The following PTPN23 variants were observed in gnomAD, a reference collection of about 807,000 sequenced individuals.
The protein encoded by PTPN23 is protein tyrosine phosphatase non-receptor type 23, also known as tyrosine-protein phosphatase non-receptor type 23.
Under a neutral mutation model 156.3 loss-of-function variants are expected in PTPN23, and 72 were observed. The ratio of observed to expected loss-of-function variants is 0.46; its 90% CI spans 0.38 to 0.56. The LOEUF (loss-of-function observed/expected upper bound fraction) is 0.56, where lower values mean the gene tolerates loss of function less well. Ranked by LOEUF, PTPN23 falls within the 20% of genes least tolerant of loss-of-function variation. The pLI, the probability that PTPN23 is intolerant of heterozygous loss-of-function variation, is 0.00. For missense variants in PTPN23, 1,974 were observed against 2,171.5 expected (o/e 0.91, Z 1.81); for synonymous variants, 957 against 899.6 (o/e 1.06, Z -1.14).
At position 47,413,082 on chromosome 3, in the gene PTPN23, A is replaced by G; in HGVS notation, c.4808A>G (p.His1603Arg). ...SLRGKQRMSK[H>R]NFLQAHNGQG... is the part of the protein sequence containing the mutation. The stretch of plus-strand genomic sequence containing the variant: ...CGGGGCAAACAGCGGATGAGCAAGC[A>G]TAACTTTCTGCAGGCCCATAACGGG... Residue 1603 changes from histidine (H) to arginine (R), a missense_variant, in exon 25 of 25, where the codon CAT becomes CGT. Physicochemically the swap from His to Arg is conservative, Grantham distance 29 (BLOSUM62 0). Coordinates refer to ENST00000265562, the MANE Select transcript of PTPN23 (RefSeq NM_015466.4). 1 of 1,612,928 alleles carries G rather than the reference A, an allele frequency of 6.2e-7. No individual in the cohort carries two copies. Among genetic ancestry groups the G allele is most frequent in the South Asian group, 1.1e-5 (1 of 91,092 alleles).
chr3:47,393,669 A>G (rs770161557), intron 1 of PTPN23, among the ~76,000 whole-genome samples: 2 of 152,126 alleles, frequency 1.3e-5, no homozygotes, highest in African/African-American at 2.4e-5. Context: ...CCTATCTTTT[A>G]TGACTTTTCC....
At position 47,408,456 on chromosome 3, in the gene PTPN23, C is replaced by G; in HGVS notation, c.1296C>G (p.Pro432=). The part of the protein sequence containing the change: ...MEKCAALSVR[P]DTVRNLVQSM... ...AGTGCGCGGCTCTCAGCGTCCGGCC[C>G]GACACTGTCAGGAACCTTGTACAGT... The change falls in exon 15 of 25, where the codon CCC becomes CCG. Residue 432 remains proline (P), a synonymous_variant. Coordinates refer to ENST00000265562, the MANE Select transcript of PTPN23 (RefSeq NM_015466.4). 6.2e-7 allele frequency: 1 copy of G among 1,614,036 alleles called. No homozygotes were observed.
Position 47,407,156 on chromosome 3 carries a change from C to A in PTPN23, c.834C>A (p.Asp278Glu). Residue 278 changes from aspartate (D) to glutamate (E), a missense_variant, in exon 10 of 25, where the codon GAC becomes GAA. By Grantham distance (45) the Asp-to-Glu change is conservative. Coordinates refer to ENST00000265562, the MANE Select transcript of PTPN23 (RefSeq NM_015466.4). This position sits in a 1 kb window ranked among gnomAD's most constrained non-coding sequence, Gnocchi z 4.0. ...ERVAYFQSAL[D>E]KLNEAIKLAK... ...TTGCATACTTCCAGAGCGCCCTGGA[C>A]AAGCTCAATGAAGCCATCAAGTTGG... 1 of 1,614,066 alleles carries A rather than the reference C, an allele frequency of 6.2e-7. No individual in the cohort carries two copies. The highest frequency in any genetic ancestry group is 8.5e-7 in the Non-Finnish European group (1 of 1,179,976).
chr3:47,407,841 G>C lies in PTPN23; in HGVS notation c.1118+30G>C, dbSNP rs373763701. 1.2e-6 allele frequency: 2 copies of C among 1,613,940 alleles called. No individual in the cohort carries two copies. The highest frequency in any genetic ancestry group is 2.7e-5 in the African/African-American group (2 of 74,914). ...GTGGAGGGTGGCACAGAGGGAGGTG[G>C]GGTGTCTTGAGATGTGGGTCTTCAG... On this transcript the variant is annotated intron_variant, in intron 13 of 24. Transcript: ENST00000265562. This position sits in a 1 kb window ranked among gnomAD's most constrained non-coding sequence, Gnocchi z 4.0.
At chr3:47,382,012 C>G (rs149399526) in intron 1 of PTPN23, among the ~76,000 whole-genome samples, 67 of 152,106 alleles carry the variant, frequency 4.4e-4, no homozygotes, top group African/African-American at 1.5e-3. Flanking sequence ...ACCAGGAGGC[C>G]GTCGCAGGTG....
At chr3:47,386,455 C>T (rs896769296) in intron 1 of PTPN23, among the ~76,000 whole-genome samples, 12 of 152,248 alleles carry the variant, frequency 7.9e-5, no homozygotes, top group East Asian at 1.9e-4. Flanking sequence ...CATGAGCTAC[C>T]GTGCCCAGCC....
rs776828461 is a variant in PTPN23, at chr3:47,409,865, T to A, written c.2129+31T>A. 11 of 1,600,298 alleles carry A rather than the reference T, an allele frequency of 6.9e-6. 1 individual carries two copies. The South Asian group carries it at 1.1e-4, about 16-fold the overall frequency. On this transcript the variant is annotated intron_variant, in intron 19 of 24. Coordinates refer to ENST00000265562, the MANE Select transcript of PTPN23 (RefSeq NM_015466.4). Reference sequence around the variant, plus strand: ...TGTGGCCCTGGGGCTGTGGTGCGGCTCGGGTCCAGACAGGCTGGGGTGATG... The same window carrying A: ...TGTGGCCCTGGGGCTGTGGTGCGGCACGGGTCCAGACAGGCTGGGGTGATG...
At chr3:47,402,983 G>A (rs1335638298) in intron 2 of PTPN23, among the ~76,000 whole-genome samples, 1 of 152,078 alleles carries the variant, frequency 6.6e-6, no homozygotes, top group Non-Finnish European at 1.5e-5. Flanking sequence ...TAGGATTATG[G>A]GCGTGAGCCA....
chr3:47,391,554 A>T (rs964799202), intron 1 of PTPN23, among the ~76,000 whole-genome samples: 1 of 152,172 alleles, frequency 6.6e-6, no homozygotes, highest in African/African-American at 2.4e-5. Context: ...TGCTGATCTT[A>T]TAGGAGGACG....
chr3:47,407,578 G>A lies in PTPN23; in HGVS notation c.997G>A (p.Val333Ile), dbSNP rs754304220. The change falls in exon 12 of 25, where the codon GTA becomes ATA. Residue 333 changes from valine (V) to isoleucine (I), a missense_variant. Coordinates refer to ENST00000265562, the MANE Select transcript of PTPN23 (RefSeq NM_015466.4). This position sits in a 1 kb window ranked among gnomAD's most constrained non-coding sequence, Gnocchi z 4.0. Reference sequence around the variant, plus strand: ...CCCAGCATTGGACACTCTTCAGCCTGTAAAAGGTCGGGGAGCTGAGAGGTG... The same window carrying A: ...CCCAGCATTGGACACTCTTCAGCCTATAAAAGGTCGGGGAGCTGAGAGGTG... ...AVPALDTLQPVKGAPLVKPLP... is the reference protein window; with the variant it reads ...AVPALDTLQPIKGAPLVKPLP... 5.0e-6 allele frequency: 8 copies of A among 1,613,472 alleles called. No individual in the cohort carries two copies. In the Admixed American group the frequency reaches 5.0e-5, roughly 10 times the overall value.
At position 47,405,362 on chromosome 3, in the gene PTPN23, C is replaced by T; in HGVS notation, c.364+281C>T. 1 of 544,404 alleles carries T rather than the reference C, an allele frequency of 1.8e-6. No individual in the cohort carries two copies. The highest frequency in any genetic ancestry group is 3.3e-6 in the Non-Finnish European group (1 of 302,502). The allele number at this position is 544,404 out of a possible 1,614,324, so 33.7% of individuals were successfully genotyped here. ...AGAGGGCCTTTCTTCTTTGACTGGA[C>T]AGCCCCTCCCCACTGTGGTTTTGGG... On this transcript the variant is annotated intron_variant, in intron 4 of 24. Transcript: ENST00000265562. This position sits in a 1 kb window ranked among gnomAD's most constrained non-coding sequence, Gnocchi z 4.7.
rs1161594981 is a variant in PTPN23, at chr3:47,405,809, G to T, written c.414+11G>T. ...CGGGTGTCTGAGGAGGTGAGGAGAG[G>T]GGCAGTAGTGGAACATGTGGACATA... On this transcript the variant is annotated intron_variant, in intron 5 of 24. Transcript: ENST00000265562. The surrounding 1 kb of genome is among the most constrained non-coding windows in gnomAD (Gnocchi z 4.7). The T allele has an allele frequency of 1.3e-6, 2 of 1,589,370 alleles. No homozygotes were observed. The highest frequency in any genetic ancestry group is 3.5e-5 in the Admixed American group (2 of 57,394).
chr3:47,392,580 A>G (rs1291416065), intron 1 of PTPN23, among the ~76,000 whole-genome samples: 1 of 152,170 alleles, frequency 6.6e-6, no homozygotes, highest in Non-Finnish European at 1.5e-5. Context: ...TGGATAGATC[A>G]GAGTGAAGAT....
rs751924921 is a variant in PTPN23, at chr3:47,410,590, C to T, written c.2792C>T (p.Pro931Leu). Residue 931 changes from proline (P) to leucine (L), a missense_variant, in exon 20 of 25, where the codon CCC becomes CTC. Pro to Leu is a moderately conservative substitution (Grantham distance 98). This residue lies in a region of PTPN23 where 731 missense variants were observed against 669.1 expected (regional missense o/e 1.09). Transcript: ENST00000265562. ...ACCTACCCTGCAGGGGCTAAGCAAC[C>T]CATCCCGGCACAGCACCACTTCTCT... ...PYTYPAGAKQ[P>L]IPAQHHFSSG... is the part of the protein sequence containing the mutation. 6.2e-7 allele frequency: 1 copy of T among 1,612,324 alleles called. No individual in the cohort carries two copies. Among genetic ancestry groups the T allele is most frequent in the South Asian group, 1.1e-5 (1 of 90,996 alleles).
chr3:47,381,265 C>A, intron 1 of PTPN23, 85 bp downstream of exon 1: 1 of 1,513,954 alleles, frequency 6.6e-7, no homozygotes, highest in South Asian at 1.2e-5. Flanking sequence ...GCGCCCATCA[C>A]CTCCTCAGGC....
At position 47,406,120 on chromosome 3, in the gene PTPN23, G is replaced by T. The variant is rs532955137; in HGVS notation, c.546+74G>T. 237 of 1,569,446 alleles carry T rather than the reference G, an allele frequency of 1.5e-4. 1 individual carries two copies. The South Asian group carries it at 2.7e-3, about 18-fold the overall frequency. On this transcript the variant is annotated intron_variant, in intron 6 of 24. Transcript: ENST00000265562. The surrounding 1 kb of genome is among the most constrained non-coding windows in gnomAD (Gnocchi z 5.8). ...GGCCAGGGAGGGGGCAGTTGGGCCT[G>T]GATCCTGGACCAAGGCAGTGAGGGA...
rs1018433590 is a variant in PTPN23 at position 47,410,961 on chromosome 3, C to T, written c.3163C>T (p.Pro1055Ser). The change falls in exon 20 of 25, where the codon CCT (proline) becomes TCT (serine). Residue 1055 changes from proline (P) to serine (S), a missense_variant. Physicochemically the swap from Pro to Ser is moderately conservative, Grantham distance 74. Around this residue, in one of 4 missense-constraint regions of PTPN23, gnomAD observed 731 missense variants for 669.1 expected, o/e 1.09. Coordinates refer to ENST00000265562, the MANE Select transcript of PTPN23 (RefSeq NM_015466.4). Reference protein sequence around the residue: ...PHPPLAYGPAPSTRPMGPQAA... With the variant: ...PHPPLAYGPASSTRPMGPQAA... The stretch of plus-strand genomic sequence containing the variant: ...TCCCCCACTGGCATATGGTCCTGCC[C>T]CTTCTACCAGACCCATGGGCCCCCA... The T allele has an allele frequency of 2.5e-6, 4 of 1,609,258 alleles. No individual in the cohort carries two copies. Among genetic ancestry groups the T allele is most frequent in the Middle Eastern group, 1.7e-4 (1 of 6,054 alleles).
Position 47,409,998 on chromosome 3 carries a change from G to A in PTPN23, c.2200G>A (p.Glu734Lys). Residue 734 changes from glutamate (E) to lysine (K), a missense_variant, in exon 20 of 25, where the codon GAG (glutamate) becomes AAG (lysine). Transcript: ENST00000265562. ...GCTGCTGCCCCGCAGGGAGGAGAGT[G>A]AGGCAGTGGAAGCAGGAGACCCCCC... ...KPLLPRREES[E>K]AVEAGDPPEE... 17 of 1,604,546 alleles carry A rather than the reference G, an allele frequency of 1.1e-5. No individual in the cohort carries two copies. Among genetic ancestry groups the A allele is most frequent in the Non-Finnish European group, 1.4e-5 (16 of 1,176,254 alleles).
At chr3:47,402,702 G>A (rs1705021496) in intron 2 of PTPN23, among the ~76,000 whole-genome samples, 1 of 151,852 alleles carries the variant, frequency 6.6e-6, no homozygotes, top group Non-Finnish European at 1.5e-5. Context: ...CCTATTTGTG[G>A]GTTTTTTTGT....
Sources: allele counts gnomAD v4.1 joint callset (sites outside exome capture counted in the v4.1 genomes callset), GRCh38; gene constraint gnomAD v4.1.1; regional missense constraint gnomAD v4.1.1; non-coding constraint Gnocchi (gnomAD v3.1); transcripts MANE v1.5; gene names NCBI Gene and HGNC (gene_info 2026-07-23, HGNC 2026-07-21).